The following CA12 variants were observed in gnomAD, a reference collection of about 807,000 sequenced individuals.
CA12 encodes carbonic anhydrase 12, also known as carbonate dehydratase XII.
CA12 carries 36 observed loss-of-function variants against 46.8 expected under a neutral mutation model. The ratio of observed to expected loss-of-function variants is 0.77; its 90% CI spans 0.59 to 1.02. The LOEUF is 1.02. Ranked by LOEUF, CA12 falls within the 50% of genes least tolerant of loss-of-function variation. The probability of loss-of-function intolerance (pLI) is 0.00; values close to 1 mark genes in which losing one functional copy is unlikely to be tolerated. For missense variants in CA12, 436 were observed against 451.4 expected (o/e 0.97, Z 0.31); for synonymous variants, 202 against 187.0 (o/e 1.08, Z -0.65).
Position 63,346,721 on chromosome 15 carries a change from G to T in CA12, c.107-12C>A. ...CTCCCCATCAGGACCTGGACACAGAGATCCATGCTCAAGATTTAGAGTTTC... is the reference window on the plus strand; with the variant it reads ...CTCCCCATCAGGACCTGGACACAGATATCCATGCTCAAGATTTAGAGTTTC... On this transcript the variant is annotated splice_polypyrimidine_tract_variant and intron_variant, in intron 2 of 10. Transcript: ENST00000178638. 2 of 1,613,966 alleles carry T rather than the reference G, an allele frequency of 1.2e-6. No homozygotes were observed. The highest frequency in any genetic ancestry group is 3.3e-5 in the Admixed American group (2 of 60,030).
intron 2 of CA12, among the ~76,000 whole-genome samples, chr15:63,358,648 C>G (rs964313730): frequency 6.6e-6 from 1 of 152,098 alleles, no homozygotes; most frequent in East Asian, 1.9e-4. Context: ...GACAGCAGGC[C>G]GGGGGAAATC....
At position 63,340,562 on chromosome 15, in the gene CA12, C is replaced by T; in HGVS notation, c.590-117G>A. 6.9e-7 allele frequency: 1 copy of T among 1,457,392 alleles called. No homozygotes were observed. Among genetic ancestry groups the T allele is most frequent in the Non-Finnish European group, 9.6e-7 (1 of 1,038,450 alleles). The allele number at this position is 1,457,392 out of a possible 1,614,324, so 90.3% of individuals were successfully genotyped here. ...ACTAGCCCCTTTCAGGGTCATCTAA[C>T]CCCAGGACCTGGTTGCAACATTGTT... On this transcript the variant is annotated intron_variant, in intron 6 of 10. Transcript: ENST00000178638. This position sits in a 1 kb window ranked among gnomAD's most constrained non-coding sequence, Gnocchi z 4.4.
At chr15:63,334,443 G>C (rs961346356) in intron 8 of CA12, among the ~76,000 whole-genome samples, 5 of 150,744 alleles carry the variant, frequency 3.3e-5, no homozygotes, top group African/African-American at 1.2e-4. Context: ...TTTAAGTAGA[G>C]AGGGGGTTTC....
At position 63,322,765 on chromosome 15, in the gene CA12, C is replaced by A. The variant is rs1278094627; in HGVS notation, c.*3520G>T. On this transcript the variant is annotated 3_prime_UTR_variant, in exon 11 of 11. Coordinates refer to ENST00000178638, the MANE Select transcript of CA12 (RefSeq NM_001218.5). The surrounding 1 kb of genome is among the most constrained non-coding windows in gnomAD (Gnocchi z 4.1). ...TCATGCCTGTGCGTGGCCATGACAC[C>A]TGGCAGGATGCCAGAGCAGGGAGAG... 3 of 152,278 alleles carry A rather than the reference C, an allele frequency of 2.0e-5. No homozygotes were observed. Among genetic ancestry groups the A allele is most frequent in the African/African-American group, 4.8e-5 (2 of 41,462 alleles). 9.4% of individuals were successfully genotyped at this position (152,278 alleles called of 1,614,324 possible).
chr15:63,368,134 C>A (rs1221380181), intron 2 of CA12, among the ~76,000 whole-genome samples: 1 of 152,172 alleles, frequency 6.6e-6, no homozygotes, highest in Non-Finnish European at 1.5e-5. Flanking sequence ...TCTCTGTATT[C>A]GTGGAATAGC....
intron 2 of CA12, among the ~76,000 whole-genome samples, chr15:63,359,381 C>T (rs757424306): frequency 1.3e-5 from 2 of 152,010 alleles, no homozygotes; most frequent in South Asian, 2.1e-4. Flanking sequence ...ACAACTGACT[C>T]GTTCCTCTCC....
At position 63,340,610 on chromosome 15, in the gene CA12, T is replaced by C; in HGVS notation, c.589+110A>G. ...GTTCAACAACCTGCTGCTCTTAACC[T>C]GGTGAACACAGACAGCACCTGCCCC... On this transcript the variant is annotated intron_variant, in intron 6 of 10. Transcript: ENST00000178638. The surrounding 1 kb of genome is among the most constrained non-coding windows in gnomAD (Gnocchi z 4.4). The C allele has an allele frequency of 7.1e-7, 1 of 1,402,028 alleles. No individual in the cohort carries two copies. Among genetic ancestry groups the C allele is most frequent in the Non-Finnish European group, 1.0e-6 (1 of 987,772 alleles). The allele number at this position is 1,402,028 out of a possible 1,614,324, so 86.8% of individuals were successfully genotyped here.
In CA12 at chr15:63,373,893, G is replaced by C. The variant is rs2039538368; in HGVS notation, c.106+1765C>G. Among the ~76,000 whole-genome samples, 1 of 152,170 alleles carries C rather than the reference G, an allele frequency of 6.6e-6. No individual in the cohort carries two copies. Among genetic ancestry groups the C allele is most frequent in the Non-Finnish European group, 1.5e-5 (1 of 68,020 alleles). ...CTGTCACCTCCTACACACGGAACCTGCCCAAGGGGCCCTGTGGCCCAGATT... is the reference window on the plus strand; with the variant it reads ...CTGTCACCTCCTACACACGGAACCTCCCCAAGGGGCCCTGTGGCCCAGATT... On this transcript the variant is annotated intron_variant, in intron 2 of 10. Coordinates refer to ENST00000178638, the MANE Select transcript of CA12 (RefSeq NM_001218.5). This position sits in a 1 kb window ranked among gnomAD's most constrained non-coding sequence, Gnocchi z 4.9.
Position 63,325,902 on chromosome 15 carries a change from A to AG in CA12, c.*382dup. The stretch of plus-strand genomic sequence containing the variant: ...ACATTCTTGTCTGAAAGCTTGGAGA[A>AG]GCAGCAGAATTTCCAGGACACTTGA... On this transcript the variant is annotated 3_prime_UTR_variant, in exon 11 of 11. Transcript: ENST00000178638. The surrounding 1 kb of genome is among the most constrained non-coding windows in gnomAD (Gnocchi z 4.9). 1 of 269,650 alleles carries AG rather than the reference A, an allele frequency of 3.7e-6. No homozygotes were observed. The highest frequency in any genetic ancestry group is 4.5e-5 in the Admixed American group (1 of 22,250). 16.7% of individuals were successfully genotyped at this position (269,650 alleles called of 1,614,324 possible).
rs1595781555 is a variant in CA12 at position 63,345,721 on chromosome 15, T to C, written c.287-102A>G. ...TCCCTCCACCCCTGCTGCCACCCCC[T>C]GGAGCCCAGAGAGAGGCAGGTGGAT... is the stretch of plus-strand genomic sequence containing the variant. On this transcript the variant is annotated intron_variant, in intron 3 of 10. Transcript: ENST00000178638. The surrounding 1 kb of genome is among the most constrained non-coding windows in gnomAD (Gnocchi z 4.3). The C allele has an allele frequency of 1.4e-6, 2 of 1,456,490 alleles. No homozygotes were observed. The highest frequency in any genetic ancestry group is 2.5e-5 in the East Asian group (1 of 40,664). 90.2% of individuals were successfully genotyped at this position (1,456,490 alleles called of 1,614,324 possible).
At position 63,341,534 on chromosome 15, in the gene CA12, T is replaced by C. The variant is rs113229699; in HGVS notation, c.525+468A>G. ...TTCATCCCAAAACCATCTCCCTCCC[T>C]GGTCCATGGTCCGTGGAAAAATTGT... is the stretch of plus-strand genomic sequence containing the variant. On this transcript the variant is annotated intron_variant, in intron 5 of 10. Coordinates refer to ENST00000178638, the MANE Select transcript of CA12 (RefSeq NM_001218.5). The surrounding 1 kb of genome is among the most constrained non-coding windows in gnomAD (Gnocchi z 5.2). Among the ~76,000 whole-genome samples the C allele has an allele frequency of 8.2e-3, 1,246 of 152,362 alleles. 10 individuals carry two copies. The highest frequency in any genetic ancestry group is 0.027 in the African/African-American group (1,139 of 41,580).
At chr15:63,363,847 T>G (rs1366150099) in intron 2 of CA12, among the ~76,000 whole-genome samples, 1 of 152,220 alleles carries the variant, frequency 6.6e-6, no homozygotes, top group African/African-American at 2.4e-5. Flanking sequence ...CCCTGCTTCA[T>G]CCTTGCTGAT....
chr15:63,342,499 A>G (rs546240015), intron 4 of CA12, among the ~76,000 whole-genome samples: 3 of 152,330 alleles, frequency 2.0e-5, no homozygotes, highest in African/African-American at 4.8e-5. Context: ...CCAAGATTTT[A>G]TCATGCAGAG....
In CA12 at chr15:63,327,717, C is replaced by T. The variant is rs558946830; in HGVS notation, c.907+381G>A. Among the ~76,000 whole-genome samples the T allele has an allele frequency of 2.4e-4, 36 of 152,214 alleles. 1 individual carries two copies. Among genetic ancestry groups the T allele is most frequent in the Admixed American group, 1.7e-3 (26 of 15,284 alleles). ...ATTGGCTGTCTCCATCAGTTTTGCC[C>T]CCAAGTTCCATTGCACAGTCCTAAG... On this transcript the variant is annotated intron_variant, in intron 9 of 10. Coordinates refer to ENST00000178638, the MANE Select transcript of CA12 (RefSeq NM_001218.5). The surrounding 1 kb of genome is among the most constrained non-coding windows in gnomAD (Gnocchi z 4.5).
chr15:63,362,015 G>A (rs2039369785), intron 2 of CA12, among the ~76,000 whole-genome samples: 1 of 152,088 alleles, frequency 6.6e-6, no homozygotes, highest in Non-Finnish European at 1.5e-5. Context: ...CTATATCAGG[G>A]GTTGGCTAAC....
At chr15:63,332,295 T>G (rs544703725) in intron 8 of CA12, among the ~76,000 whole-genome samples, 1 of 152,212 alleles carries the variant, frequency 6.6e-6, no homozygotes, top group Non-Finnish European at 1.5e-5. Flanking sequence ...GAGTTTTCCT[T>G]ATGAACGCTA....
chr15:63,371,891 T>C (rs1472530057), intron 2 of CA12, among the ~76,000 whole-genome samples: 1 of 152,222 alleles, frequency 6.6e-6, no homozygotes, highest in Non-Finnish European at 1.5e-5. Context: ...GGTTTGGTTT[T>C]TTCTTGGGGA....
In CA12 at chr15:63,381,726, C is replaced by T. The variant is rs376871483; in HGVS notation, c.-6G>A. Reference sequence around the variant, plus strand: ...TGCAGGCTGCGCCGGGGCATCTTCGCGGGCTCCTGCGGGGCGGGCGCGGGC... The same window carrying T: ...TGCAGGCTGCGCCGGGGCATCTTCGTGGGCTCCTGCGGGGCGGGCGCGGGC... On this transcript the variant is annotated 5_prime_UTR_variant, in exon 1 of 11. Coordinates refer to ENST00000178638, the MANE Select transcript of CA12 (RefSeq NM_001218.5). The T allele has an allele frequency of 1.2e-4, 194 of 1,577,046 alleles. No homozygotes were observed. The highest frequency in any genetic ancestry group is 1.5e-4 in the Non-Finnish European group (178 of 1,161,788).
In CA12 at chr15:63,345,717, C is replaced by G; in HGVS notation, c.287-98G>C. ...ATGCTCCCTCCACCCCTGCTGCCAC[C>G]CCCTGGAGCCCAGAGAGAGGCAGGT... On this transcript the variant is annotated intron_variant, in intron 3 of 10. Coordinates refer to ENST00000178638, the MANE Select transcript of CA12 (RefSeq NM_001218.5). The surrounding 1 kb of genome is among the most constrained non-coding windows in gnomAD (Gnocchi z 4.3). 18 of 1,462,886 alleles carry G rather than the reference C, an allele frequency of 1.2e-5. No individual in the cohort carries two copies. The South Asian group carries it at 2.1e-4, about 17-fold the overall frequency. The allele number at this position is 1,462,886 out of a possible 1,614,324, so 90.6% of individuals were successfully genotyped here.
Sources: allele counts gnomAD v4.1 joint callset (sites outside exome capture counted in the v4.1 genomes callset), GRCh38; gene constraint gnomAD v4.1.1; non-coding constraint Gnocchi (gnomAD v3.1); transcripts MANE v1.5; gene names NCBI Gene and HGNC (gene_info 2026-07-23, HGNC 2026-07-21).